The following LRP1B variants were observed in gnomAD, a reference collection of about 807,000 sequenced individuals.
LRP1B encodes LDL receptor related protein 1B.
In LRP1B, 217 loss-of-function variants were observed where a neutral mutation model predicts 556.6. That is an observed-to-expected ratio of 0.39 (90% CI 0.35 to 0.44). The LOEUF (loss-of-function observed/expected upper bound fraction) is 0.44, where lower values mean the gene tolerates loss of function less well. LRP1B is among the 20% of genes least tolerant of loss of function. The pLI is 1.00. For synonymous variants in LRP1B, 2,047 were observed against 1,865.8 expected (o/e 1.10, Z -2.50); for missense variants, 5,053 against 5,620.8 (o/e 0.90, Z 3.23).
Position 141,169,352 on chromosome 2 carries a change from G to A in LRP1B, c.1013+19069C>T, listed in dbSNP as rs1003144866. On this transcript the variant is annotated intron_variant, in intron 7 of 90. Transcript: ENST00000389484. ...TAAATAAATAAAGAAGAGATGGGAC[G>A]TATGTAAGGAATAAGAAAAAACTTC... Among the ~76,000 whole-genome samples the A allele has an allele frequency of 4.6e-5, 7 of 151,324 alleles. No homozygotes were observed. The East Asian group carries it at 5.8e-4, about 13-fold the overall frequency.
intron 41 of LRP1B, among the ~76,000 whole-genome samples, chr2:140,648,527 G>A (rs1280237934): frequency 2.0e-5 from 3 of 152,056 alleles, no homozygotes; most frequent in Non-Finnish European, 2.9e-5. Context: ...GAGGAGGGGT[G>A]GGGTGATCAG....
At chr2:140,678,802 G>T (rs183268551) in intron 41 of LRP1B, among the ~76,000 whole-genome samples, 6 of 149,520 alleles carry the variant, frequency 4.0e-5, no homozygotes, top group Non-Finnish European at 7.4e-5. Flanking sequence ...GGGGGGAATG[G>T]AGTCTCTCTC....
intron 3 of LRP1B, among the ~76,000 whole-genome samples, chr2:141,344,096 G>A (rs1209566022): frequency 6.6e-6 from 1 of 152,072 alleles, no homozygotes; most frequent in African/African-American, 2.4e-5. Context: ...CCCATGTCTT[G>A]AAAACCATTG....
At chr2:141,790,119 A>T (rs1695563427) in intron 2 of LRP1B, among the ~76,000 whole-genome samples, 1 of 151,870 alleles carries the variant, frequency 6.6e-6, no homozygotes, top group East Asian at 1.9e-4. Context: ...CACCGTTTGA[A>T]TCATTACCTC....
At chr2:141,975,233 G>T (rs1296087131) in intron 1 of LRP1B, among the ~76,000 whole-genome samples, 2 of 151,934 alleles carry the variant, frequency 1.3e-5, no homozygotes, top group Non-Finnish European at 2.9e-5. Context: ...GTGACACTTT[G>T]GGCTGGTATT....
chr2:142,105,246 T>C (rs1185470434), intron 1 of LRP1B, among the ~76,000 whole-genome samples: 1 of 152,208 alleles, frequency 6.6e-6, no homozygotes, highest in Non-Finnish European at 1.5e-5. Flanking sequence ...TGAAAACCAT[T>C]AAAGAGTTTT....
intron 1 of LRP1B, among the ~76,000 whole-genome samples, chr2:141,895,048 C>CAAAAAAAAAAAAAAAAAAAA (rs369108197): frequency 1.3e-5 from 1 of 78,522 alleles, no homozygotes; most frequent in Non-Finnish European, 2.4e-5. Context: ...AACTCCATCT[C>CAAAAAAAAAAAAAAAAAAAA]AAAAAAAAAA....
chr2:141,889,494 C>T (rs977284740), intron 1 of LRP1B, among the ~76,000 whole-genome samples: 1 of 152,098 alleles, frequency 6.6e-6, no homozygotes, highest in Non-Finnish European at 1.5e-5. Context: ...TACAGCTCTT[C>T]TAATTTTAAG....
At chr2:140,259,467 T>A (rs182494499) in intron 86 of LRP1B, among the ~76,000 whole-genome samples, 2 of 152,022 alleles carry the variant, frequency 1.3e-5, no homozygotes, top group East Asian at 3.9e-4. Context: ...GAAAGCCGAT[T>A]GAGAATCATA....
In LRP1B at chr2:141,462,650, CA is replaced by C. The variant is rs535487755; in HGVS notation, c.343+17745del. Among the ~76,000 whole-genome samples, 26 of 151,432 alleles carry C rather than the reference CA, an allele frequency of 1.7e-4. No homozygotes were observed. The East Asian group carries it at 4.6e-3, about 27-fold the overall frequency. On this transcript the variant is annotated intron_variant, in intron 3 of 90. Coordinates refer to ENST00000389484, the MANE Select transcript of LRP1B (RefSeq NM_018557.3). ...CGTTTTGCACATGTATCTCAGAACT[CA>C]AAAAAATAAAAAAATTAATAAATAA...
At chr2:141,084,082 C>A (rs1324282412) in intron 7 of LRP1B, among the ~76,000 whole-genome samples, 1 of 152,030 alleles carries the variant, frequency 6.6e-6, no homozygotes, top group Non-Finnish European at 1.5e-5. Flanking sequence ...GAGGATTAAA[C>A]AAGTAAATAG....
At chr2:141,490,674 T>C (rs984351554) in intron 2 of LRP1B, among the ~76,000 whole-genome samples, 4 of 152,116 alleles carry the variant, frequency 2.6e-5, no homozygotes, top group East Asian at 1.9e-4. Flanking sequence ...GATAAGAAAA[T>C]AAATGAAATC....
intron 18 of LRP1B, among the ~76,000 whole-genome samples, chr2:140,961,016 A>C (rs1322501686): frequency 6.6e-6 from 1 of 151,682 alleles, no homozygotes; most frequent in Non-Finnish European, 1.5e-5. Flanking sequence ...GTTGTAGTTA[A>C]TACAATTAAC....
At chr2:140,752,322 C>CA (rs1688608006) in intron 35 of LRP1B, among the ~76,000 whole-genome samples, 2 of 135,994 alleles carry the variant, frequency 1.5e-5, no homozygotes, top group South Asian at 4.7e-4. Flanking sequence ...ACTTAAAATA[C>CA]TTTTTTTTTT....
intron 3 of LRP1B, among the ~76,000 whole-genome samples, chr2:141,459,436 G>A (rs1681770382): frequency 6.6e-6 from 1 of 152,136 alleles, no homozygotes; most frequent in South Asian, 2.1e-4. Flanking sequence ...TGAATTGTGG[G>A]TGCAGGCATA....
chr2:141,203,581 TGG>T (rs140424838), intron 6 of LRP1B, among the ~76,000 whole-genome samples: 1 of 151,784 alleles, frequency 6.6e-6, no homozygotes. Flanking sequence ...CACACAATAA[TGG>T]GGGGGGAGGA....
chr2:141,244,069 T>C (rs1292138577), intron 5 of LRP1B, among the ~76,000 whole-genome samples: 1 of 152,154 alleles, frequency 6.6e-6, no homozygotes, highest in East Asian at 1.9e-4. Context: ...GGGTGAATAG[T>C]AGGGAAGAGA....
chr2:141,620,267 A>G (rs1484833076), intron 2 of LRP1B, among the ~76,000 whole-genome samples: 1 of 152,244 alleles, frequency 6.6e-6, no homozygotes, highest in East Asian at 1.9e-4. Flanking sequence ...AAGTCAGTAT[A>G]CTTTGTATAT....
intron 35 of LRP1B, among the ~76,000 whole-genome samples, chr2:140,744,315 A>C (rs1221796516): frequency 6.6e-6 from 1 of 152,214 alleles, no homozygotes; most frequent in African/African-American, 2.4e-5. Flanking sequence ...AAATAATGGC[A>C]GAACAAAAAT....
Sources: gnomAD v4.1 joint callset for allele counts (sites outside exome capture counted in the v4.1 genomes callset) on GRCh38, gnomAD v4.1.1 for gene constraint, MANE v1.5 for transcripts, NCBI Gene and HGNC (gene_info 2026-07-23, HGNC 2026-07-21) for gene names.